The following SLC12A9 variants were observed in gnomAD, a reference collection of about 807,000 sequenced individuals.
The protein encoded by SLC12A9 is solute carrier family 12 member 9.
SLC12A9 carries 55 observed loss-of-function variants against 66.0 expected under a neutral mutation model. The ratio of observed to expected loss-of-function variants is 0.83; its 90% confidence interval spans 0.67 to 1.04. SLC12A9 has a LOEUF of 1.04. Among genes scored for constraint, SLC12A9 ranks in the 50% least tolerant of loss-of-function variants. SLC12A9 has a pLI of 0.00. For missense variants in SLC12A9, 1,061 were observed against 1,241.9 expected (o/e 0.85, Z 2.19); for synonymous variants, 577 against 569.0 (o/e 1.01, Z -0.20).
intron 1 of SLC12A9, among the ~76,000 whole-genome samples, chr7:100,833,789 C>G (rs1289172108): frequency 1.3e-5 from 2 of 151,498 alleles, no homozygotes; most frequent in African/African-American, 2.4e-5. Flanking sequence ...AAAAATTAGC[C>G]GGGTGTGGTG....
At chr7:100,844,788 T>G (rs922732448) in intron 1 of SLC12A9, among the ~76,000 whole-genome samples, 2 of 152,002 alleles carry the variant, frequency 1.3e-5, no homozygotes, top group Admixed American at 6.6e-5. Flanking sequence ...GATCCTCGAG[T>G]AAATATCTTA....
chr7:100,839,065 T>G (rs958402638), intron 1 of SLC12A9, among the ~76,000 whole-genome samples: 3 of 152,182 alleles, frequency 2.0e-5, no homozygotes, highest in Non-Finnish European at 4.4e-5. Flanking sequence ...GGCTCACACC[T>G]GTAATCCCAG....
At chr7:100,826,931 G>A (rs775569595) in exon 1 of SLC12A9, 1 of 1,535,226 alleles carries the variant, frequency 6.5e-7, no homozygotes, top group Admixed American at 2.0e-5. Context: ...TGTTGGGGGG[G>A]AGGTCCCAGG....
intron 1 of SLC12A9, chr7:100,827,079 GC>G (rs779675896): frequency 4.5e-6 from 7 of 1,545,940 alleles, no homozygotes; most frequent in South Asian, 2.4e-5. Flanking sequence ...GGGGGCCCTC[GC>G]CCCCCCAGGT....
chr7:100,852,894 G>A (rs1814150843), intron 1 of SLC12A9, 59 bp downstream of exon 1: 4 of 152,248 alleles, frequency 2.6e-5, no homozygotes, highest in South Asian at 2.1e-4. Context: ...CCGGGGAGAA[G>A]GATATCTTGG....
At position 100,854,223 on chromosome 7, in the gene SLC12A9, TGGCCTACCGG is replaced by T; in HGVS notation, c.27_36del (p.Ala10SerfsTer42). ...ATGGCCAGCGAGAGCTCACCTCTGCTGGCCTACCGGCTCCTGGGGGAGGAGGGGGTTGCCC... is the reference window on the plus strand; with the variant it reads ...ATGGCCAGCGAGAGCTCACCTCTGCTCTCCTGGGGGAGGAGGGGGTTGCCC... On this transcript the variant is annotated frameshift_variant, in exon 2 of 14. Coordinates refer to ENST00000354161, the MANE Select transcript of SLC12A9 (RefSeq NM_020246.4). LOFTEE classifies it high-confidence loss of function. The T allele has an allele frequency of 6.4e-7, 1 of 1,574,098 alleles. No homozygotes were observed. Among genetic ancestry groups the T allele is most frequent in the South Asian group, 1.2e-5 (1 of 82,688 alleles).
chr7:100,848,447 A>G (rs1275778827), upstream of SLC12A9, among the ~76,000 whole-genome samples: 2 of 151,446 alleles, frequency 1.3e-5, no homozygotes, highest in Non-Finnish European at 2.9e-5. Flanking sequence ...GCTGTGAGCT[A>G]TGATGGTGCC....
chr7:100,854,695 C>T lies in SLC12A9; in HGVS notation c.257C>T (p.Thr86Ile), dbSNP rs1480113355. ...GTTGCCTACTTCATCCTGGCACTCA[C>T]CGTCCTCTCTGTCTGTGCCATCGCC... ...LLVAYFILAL[T>I]VLSVCAIATN... Residue 86 changes from threonine (T) to isoleucine (I), a missense_variant, in exon 3 of 14, where the codon ACC becomes ATC. Thr to Ile is a moderately conservative substitution (Grantham distance 89). Transcript: ENST00000354161. 6.2e-7 allele frequency: 1 copy of T among 1,614,070 alleles called. No individual in the cohort carries two copies. Among genetic ancestry groups the T allele is most frequent in the Non-Finnish European group, 8.5e-7 (1 of 1,179,998 alleles).
rs1007336547 is a variant in SLC12A9, at chr7:100,861,091, T to C, written c.1219-47T>C. The C allele has an allele frequency of 1.9e-6, 3 of 1,613,604 alleles. No homozygotes were observed. The African/African-American group carries it at 4.0e-5, about 22-fold the overall frequency. ...TTGGTGTTCACTGGCATTTTGGGGG[T>C]GCACTGGCACTTTGGAACAACGGCA... On this transcript the variant is annotated intron_variant, in intron 9 of 13. Coordinates refer to ENST00000354161, the MANE Select transcript of SLC12A9 (RefSeq NM_020246.4). This position sits in a 1 kb window ranked among gnomAD's most constrained non-coding sequence, Gnocchi z 5.3.
chr7:100,863,055 CCTT>C (rs1407600928), intron 13 of SLC12A9, among the ~76,000 whole-genome samples: 8 of 150,858 alleles, frequency 5.3e-5, no homozygotes, highest in African/African-American at 1.2e-4. Context: ...GGTTTTTTTT[CCTT>C]CTTCTTTTTT....
At chr7:100,859,018 C>A in intron 6 of SLC12A9, 32 bp from the exon 7 acceptor site, 1 of 1,611,244 alleles carries the variant, frequency 6.2e-7, no homozygotes, top group East Asian at 2.2e-5. Context: ...GGCTGGAGGG[C>A]TGACCTCACT....
intron 9 of SLC12A9, 51 bp downstream of exon 9, chr7:100,860,283 G>A: frequency 1.3e-6 from 2 of 1,584,316 alleles, no homozygotes; most frequent in Non-Finnish European, 1.7e-6. Flanking sequence ...CAGCTGGCAG[G>A]ATGGGGGTGC....
rs1172912942 is a variant in SLC12A9 at position 100,866,344 on chromosome 7, A to G, written c.2484A>G (p.Ala828=). 6.6e-7 allele frequency: 1 copy of G among 1,506,224 alleles called. No homozygotes were observed. The highest frequency in any genetic ancestry group is 1.3e-5 in the South Asian group (1 of 77,128). The allele number at this position is 1,506,224 out of a possible 1,614,324, so 93.3% of individuals were successfully genotyped here. The change falls in exon 14 of 14, where the codon GCA becomes GCG. Residue 828 remains alanine (A), a synonymous_variant. Transcript: ENST00000354161. The surrounding 1 kb of genome is among the most constrained non-coding windows in gnomAD (Gnocchi z 7.3). ...GDFVNSGRGD[A]EAEALARSAN... Reference sequence around the variant, plus strand: ...TTGTGAACAGTGGGCGGGGAGACGCAGAGGCAGAGGCCCTGGCACGCAGCG... The same window carrying G: ...TTGTGAACAGTGGGCGGGGAGACGCGGAGGCAGAGGCCCTGGCACGCAGCG...
Position 100,861,997 on chromosome 7 carries a change from T to C in SLC12A9, c.1711+86T>C. ...TTTTTTGAGATGGAGCTTCGTTCTG[T>C]TGCCCAGGCTGGAGTGCAGTGGGAC... is the stretch of plus-strand genomic sequence containing the variant. On this transcript the variant is annotated intron_variant, in intron 12 of 13. Transcript: ENST00000354161. This position sits in a 1 kb window ranked among gnomAD's most constrained non-coding sequence, Gnocchi z 5.3. 7.2e-7 allele frequency: 1 copy of C among 1,394,478 alleles called. No homozygotes were observed. Among genetic ancestry groups the C allele is most frequent in the East Asian group, 2.5e-5 (1 of 39,956 alleles). 86.4% of individuals were successfully genotyped at this position (1,394,478 alleles called of 1,614,324 possible).
At chr7:100,859,192 G>A (rs764115327) in intron 7 of SLC12A9, 31 bp downstream of exon 7, 68 of 1,596,014 alleles carry the variant, frequency 4.3e-5, no homozygotes, top group East Asian at 3.6e-4. Flanking sequence ...GTGGAGTGTC[G>A]AACAAGATTG....
intron 4 of SLC12A9, chr7:100,856,590 A>G (rs901036871): frequency 1.7e-5 from 7 of 402,566 alleles, no homozygotes; most frequent in African/African-American, 8.3e-5. Context: ...TCTCGGCTCA[A>G]TGCAACTTCT....
chr7:100,861,495 C>T lies in SLC12A9; in HGVS notation c.1447C>T (p.Leu483Phe). The change falls in exon 11 of 14, where the codon CTC becomes TTC. Residue 483 changes from leucine to phenylalanine, a missense_variant. Physicochemically the swap from Leu to Phe is conservative, Grantham distance 22. Transcript: ENST00000354161. This position sits in a 1 kb window ranked among gnomAD's most constrained non-coding sequence, Gnocchi z 5.3. ...ISPGAAGGSL[L>F]LMGLLAALLT... ...TCCTGGCGCGGCTGGTGGCTCCCTG[C>T]TCCTCATGGGTCTGCTGGCTGCCCT... is the stretch of plus-strand genomic sequence containing the variant. The T allele has an allele frequency of 2.5e-6, 4 of 1,613,854 alleles. No individual in the cohort carries two copies. Among genetic ancestry groups the T allele is most frequent in the East Asian group, 2.2e-5 (1 of 44,880 alleles).
In SLC12A9 at chr7:100,855,823, A is replaced by G; in HGVS notation, c.434A>G (p.Asp145Gly). 1 of 1,610,362 alleles carries G rather than the reference A, an allele frequency of 6.2e-7. No individual in the cohort carries two copies. The highest frequency in any genetic ancestry group is 1.3e-5 in the African/African-American group (1 of 74,900). ...CTGGGGCTGGTGGAGTCTGTGCTTG[A>G]TGTCTTCGGGGCCGGTCTGTGCTCT... ...SLLGLVESVL[D>G]VFGADATGPS... The change falls in exon 4 of 14, where the codon GAT (aspartate) becomes GGT (glycine). Residue 145 changes from aspartate (D) to glycine (G), a missense_variant. Coordinates refer to ENST00000354161, the MANE Select transcript of SLC12A9 (RefSeq NM_020246.4).
upstream of SLC12A9, among the ~76,000 whole-genome samples, chr7:100,849,359 A>G (rs1443522632): frequency 6.6e-6 from 1 of 151,966 alleles, no homozygotes; most frequent in Non-Finnish European, 1.5e-5. Context: ...AAACTGGGCT[A>G]GGCAGGCCTG....
Sources: gnomAD v4.1 joint callset for allele counts (sites outside exome capture counted in the v4.1 genomes callset) on GRCh38, gnomAD v4.1.1 for gene constraint, Gnocchi (gnomAD v3.1) non-coding constraint, MANE v1.5 for transcripts, NCBI Gene and HGNC (gene_info 2026-07-23, HGNC 2026-07-21) for gene names.